Variants in DPH6 observed in about 807,000 individuals in gnomAD.
DPH6 encodes diphthine--ammonia ligase.
DPH6 carries 33 observed loss-of-function variants against 38.2 expected under a neutral mutation model. That is an observed-to-expected ratio of 0.86 (90% CI 0.65 to 1.15). The LOEUF is 1.15. Among genes scored for constraint, DPH6 ranks in the 50% most tolerant of loss-of-function variants. The pLI, the probability that DPH6 is intolerant of heterozygous loss-of-function variation, is 0.00. For synonymous variants in DPH6, 108 were observed against 103.0 expected (o/e 1.05, Z -0.30); for missense variants, 325 against 320.0 (o/e 1.02, Z -0.12).
intron 6 of DPH6, among the ~76,000 whole-genome samples, chr15:35,409,584 A>T (rs539191489): frequency 6.6e-6 from 1 of 152,096 alleles, no homozygotes; most frequent in East Asian, 1.9e-4. Context: ...TCTTTTGGCC[A>T]ATAACTTTGG....
chr15:35,210,473 G>A, the DPH6 span, among the ~76,000 whole-genome samples: 852 of 152,224 alleles, frequency 5.6e-3, 6 homozygotes, highest in African/African-American at 0.019. Flanking sequence ...GACCAATAAA[G>A]GTACAGCGGG....
At chr15:35,494,947 T>G (rs1447054498) in intron 3 of DPH6, among the ~76,000 whole-genome samples, 1 of 152,198 alleles carries the variant, frequency 6.6e-6, no homozygotes, top group African/African-American at 2.4e-5. Flanking sequence ...TATTCACTGG[T>G]GATGTGATCA....
chr15:35,155,243 T>C, the DPH6 span, among the ~76,000 whole-genome samples: 1 of 145,714 alleles, frequency 6.9e-6, no homozygotes, highest in African/African-American at 2.4e-5. Context: ...AAACTCCTTA[T>C]AACTGAAACA....
At chr15:35,490,164 A>C (rs2054457688) in intron 3 of DPH6, 1 of 985,282 alleles carries the variant, frequency 1.0e-6, no homozygotes, top group African/African-American at 1.7e-5. Context: ...TACACAGTAA[A>C]GTCTGAGATT....
intron 6 of DPH6, chr15:35,396,302 T>C (rs2053131359): frequency 6.6e-6 from 1 of 152,208 alleles, no homozygotes; most frequent in Non-Finnish European, 1.5e-5. Flanking sequence ...GGCCATAATA[T>C]GATTTATCTC....
At chr15:35,190,985 A>G in the DPH6 span, among the ~76,000 whole-genome samples, 3 of 152,212 alleles carry the variant, frequency 2.0e-5, no homozygotes, top group Non-Finnish European at 4.4e-5. Context: ...ATTCTGAGGT[A>G]GCTTCTGAGG....
the DPH6 span, among the ~76,000 whole-genome samples, chr15:35,189,082 TATG>T: frequency 6.6e-6 from 1 of 152,156 alleles, no homozygotes. Flanking sequence ...AACTTCAGAG[TATG>T]TTTCCTAAGC....
chr15:35,268,148 C>T (rs1323943442), intron 3 of DPH6, among the ~76,000 whole-genome samples: 2 of 149,282 alleles, frequency 1.3e-5, no homozygotes, highest in Non-Finnish European at 3.0e-5. Context: ...CCAGCCTGGG[C>T]GACAGAGCGA....
chr15:35,334,749 A>T (rs945408487), intron 3 of DPH6, among the ~76,000 whole-genome samples: 2 of 152,138 alleles, frequency 1.3e-5, no homozygotes, highest in African/African-American at 4.8e-5. Flanking sequence ...TTCTTTTTTT[A>T]TGGCTGCACA....
intron 7 of DPH6, among the ~76,000 whole-genome samples, chr15:35,375,479 A>T (rs932579718): frequency 3.3e-5 from 5 of 152,090 alleles, no homozygotes; most frequent in African/African-American, 1.2e-4. Context: ...CTCAAATTTC[A>T]AGGAACTCTG....
chr15:35,520,231 AAAAAAAAAAC>A, intron 3 of DPH6: 2 of 649,448 alleles, frequency 3.1e-6, no homozygotes, highest in Non-Finnish European at 3.5e-6. Context: ...AAAAAAAAAC[AAAAAAAAAAC>A]AAAAGAAGAA....
chr15:35,405,865 T>G (rs2053285479), intron 6 of DPH6, among the ~76,000 whole-genome samples: 2 of 152,020 alleles, frequency 1.3e-5, no homozygotes, highest in South Asian at 4.1e-4. Flanking sequence ...TGTTGAGGTA[T>G]GTTCTTTCTA....
At chr15:35,298,845 C>G in intron 3 of DPH6, 1 of 1,053,636 alleles carries the variant, frequency 9.5e-7, no homozygotes, top group African/African-American at 1.6e-5. Flanking sequence ...TTTTGGAAGA[C>G]TGTGATCGAG....
rs1563292 is a variant in DPH6 at position 35,392,070 on chromosome 15, T to A, written c.568-10154A>T. 3.9e-5 allele frequency among the ~76,000 whole-genome samples: 6 copies of A among 152,036 alleles called. No homozygotes were observed. The East Asian group carries it at 1.2e-3, about 29-fold the overall frequency. On this transcript the variant is annotated intron_variant, in intron 6 of 8. Transcript: ENST00000256538. ...GGGTTGCCATCTAATTAATGTTAGG[T>A]TAAGCTTTTGAAAACATTTGAACAG...
intron 3 of DPH6, among the ~76,000 whole-genome samples, chr15:35,352,722 A>G (rs1366979885): frequency 6.6e-6 from 1 of 152,206 alleles, no homozygotes; most frequent in East Asian, 1.9e-4. Context: ...GCTATTGTGA[A>G]TAGTGCCACA....
chr15:35,451,473 T>C (rs1325413720), intron 4 of DPH6, among the ~76,000 whole-genome samples: 2 of 152,134 alleles, frequency 1.3e-5, no homozygotes, highest in East Asian at 3.8e-4. Context: ...GGGGCAAAAA[T>C]AGTTCCTTTC....
chr15:35,209,457 T>C, the DPH6 span, among the ~76,000 whole-genome samples: 2 of 152,150 alleles, frequency 1.3e-5, no homozygotes, highest in East Asian at 3.8e-4. Context: ...GGCACAGATA[T>C]CATGTTAGAA....
intron 3 of DPH6, among the ~76,000 whole-genome samples, chr15:35,359,279 G>C (rs1032111717): frequency 2.0e-5 from 3 of 152,076 alleles, no homozygotes; most frequent in Admixed American, 6.6e-5. Flanking sequence ...AGCAATACAG[G>C]CTTGAAAATC....
chr15:35,517,094 T>C (rs998343679), intron 3 of DPH6, among the ~76,000 whole-genome samples: 73 of 152,162 alleles, frequency 4.8e-4, no homozygotes, highest in African/African-American at 1.6e-3. Context: ...TTTTTTCAGG[T>C]TTAATCTGTT....
Sources: allele counts gnomAD v4.1 joint callset (sites outside exome capture counted in the v4.1 genomes callset), GRCh38; gene constraint gnomAD v4.1.1; transcripts MANE v1.5; gene names NCBI Gene and HGNC (gene_info 2026-07-23, HGNC 2026-07-21).